Variants in CHRNA6 observed in about 807,000 individuals in gnomAD.
The protein encoded by CHRNA6 is neuronal acetylcholine receptor subunit alpha-6.
A neutral mutation model predicts 40.9 loss-of-function variants in CHRNA6; 31 were observed. The observed-to-expected ratio is 0.76, with a 90% CI of 0.57 to 1.02. CHRNA6 has a LOEUF of 1.02. CHRNA6 is among the 50% of genes least tolerant of loss of function. The pLI is 0.00. For synonymous variants in CHRNA6, 222 were observed against 221.3 expected (o/e 1.00, Z -0.03); for missense variants, 546 against 596.6 (o/e 0.92, Z 0.88).
At chr8:42,762,679 C>T (rs1357610668) in intron 2 of CHRNA6, among the ~76,000 whole-genome samples, 1 of 151,996 alleles carries the variant, frequency 6.6e-6, no homozygotes, top group Non-Finnish European at 1.5e-5. Flanking sequence ...AAACAAAAAA[C>T]AAAGCACCCT....
rs200024779 is a variant in CHRNA6 at position 42,752,623 on chromosome 8, T to G, written c.*556A>C. On this transcript the variant is annotated 3_prime_UTR_variant, in exon 6 of 6. Transcript: ENST00000276410. Reference sequence around the variant, plus strand: ...GCCACCACACCTGACCAAACTGTTTTTTTTTTTTTTTTTTTAAAACTAACA... The same window carrying G: ...GCCACCACACCTGACCAAACTGTTTGTTTTTTTTTTTTTTTAAAACTAACA... 6.8e-6 allele frequency: 1 copy of G among 146,744 alleles called. No individual in the cohort carries two copies. The highest frequency in any genetic ancestry group is 2.6e-5 in the African/African-American group (1 of 38,024). 9.1% of individuals were successfully genotyped at this position (146,744 alleles called of 1,614,324 possible).
chr8:42,759,498 C>A, intron 2 of CHRNA6: 1 of 199,268 alleles, frequency 5.0e-6, no homozygotes, highest in Non-Finnish European at 1.1e-5. Flanking sequence ...CAACCCCGCA[C>A]AGTGTTTTTG....
In CHRNA6 at chr8:42,753,000, T is replaced by G. The variant is rs1816742956; in HGVS notation, c.*179A>C. The G allele has an allele frequency of 1.8e-6, 1 of 560,362 alleles. No homozygotes were observed. The highest frequency in any genetic ancestry group is 1.9e-5 in the African/African-American group (1 of 52,336). The allele number at this position is 560,362 out of a possible 1,614,324, so 34.7% of individuals were successfully genotyped here. A position where few individuals can be genotyped will look rare whatever the true frequency, so the allele number is the denominator to read the frequency against. Reference sequence around the variant, plus strand: ...ATAACACTTCTCACTTCTCCCCCTGTGCTACACTGGAGGATATTCTGCTTC... The same window carrying G: ...ATAACACTTCTCACTTCTCCCCCTGGGCTACACTGGAGGATATTCTGCTTC... On this transcript the variant is annotated 3_prime_UTR_variant, in exon 6 of 6. Coordinates refer to ENST00000276410, the MANE Select transcript of CHRNA6 (RefSeq NM_004198.3).
At chr8:42,759,254 A>T in intron 2 of CHRNA6, 141 bp from the exon 3 acceptor site, 1 of 657,912 alleles carries the variant, frequency 1.5e-6, no homozygotes, top group African/African-American at 1.8e-5. Flanking sequence ...GTGTGAAAGC[A>T]TTCAGCATGC....
intron 5 of CHRNA6, among the ~76,000 whole-genome samples, chr8:42,755,163 T>C (rs1586423399): frequency 6.7e-6 from 1 of 149,050 alleles, no homozygotes; most frequent in Admixed American, 6.7e-5. Flanking sequence ...GGACTACAGG[T>C]ATGCACCAAC....
intron 2 of CHRNA6, chr8:42,759,320 A>G (rs1816860145): frequency 7.3e-6 from 4 of 550,732 alleles, no homozygotes; most frequent in Non-Finnish European, 1.3e-5. Flanking sequence ...TTTGAGAGGC[A>G]ATGTGGCTTT....
rs1816803817 is a variant in CHRNA6, at chr8:42,756,524, C to G, written c.675G>C (p.Glu225Asp). The change falls in exon 5 of 6, where the codon GAG becomes GAC. Residue 225 changes from glutamate to aspartate, a missense_variant. Physicochemically the swap from Glu to Asp is conservative, Grantham distance 45. Around this residue, in one of 3 missense-constraint regions of CHRNA6, gnomAD observed 476 missense variants for 494.5 expected, o/e 0.96. Coordinates refer to ENST00000276410, the MANE Select transcript of CHRNA6 (RefSeq NM_004198.3). ...KHDIKYNCCE[E>D]IYTDITYSFY... ...AAGAATAGGTTATATCTGTGTATAT[C>G]TCTTCACAACAGTTGTATTTGATGT... 1 of 1,613,842 alleles carries G rather than the reference C, an allele frequency of 6.2e-7. No homozygotes were observed. The highest frequency in any genetic ancestry group is 1.3e-5 in the African/African-American group (1 of 74,932).
At position 42,755,858 on chromosome 8, in the gene CHRNA6, A is replaced by G. The variant is rs1816790646; in HGVS notation, c.1341T>C (p.Asn447=). The change falls in exon 5 of 6, where the codon AAT becomes AAC. Residue 447 remains asparagine (N), a synonymous_variant. Transcript: ENST00000276410. The part of the protein sequence containing the change: ...QFIAENMKSH[N]ETKEVEDDWK... ...AACACACATTTACCTCCTTGGTTTC[A>G]TTGTGGCTCTTCATGTTTTCTGCTA... 1 of 1,613,552 alleles carries G rather than the reference A, an allele frequency of 6.2e-7. No homozygotes were observed. Among genetic ancestry groups the G allele is most frequent in the African/African-American group, 1.3e-5 (1 of 74,926 alleles).
chr8:42,755,237 GCT>G lies in CHRNA6; in HGVS notation c.1353+607_1353+608del, dbSNP rs1029218779. 1.3e-4 allele frequency among the ~76,000 whole-genome samples: 19 copies of G among 149,674 alleles called. No homozygotes were observed. The East Asian group carries it at 3.5e-3, about 28-fold the overall frequency. On this transcript the variant is annotated intron_variant, in intron 5 of 5. Transcript: ENST00000276410. ...GTCTCACTATGTTGCCCAGGCTGAG[GCT>G]CTTAGTTTCATTAACTGAGGTTGCC...
In CHRNA6 at chr8:42,753,250, T is replaced by C; in HGVS notation, c.1414A>G (p.Ile472Val). 1.2e-6 allele frequency: 2 copies of C among 1,612,446 alleles called. No homozygotes were observed. The highest frequency in any genetic ancestry group is 1.7e-6 in the Non-Finnish European group (2 of 1,179,016). The change falls in exon 6 of 6, where the codon ATA (isoleucine) becomes GTA (valine). Residue 472 changes from isoleucine (I) to valine (V), a missense_variant. Physicochemically the swap from Ile to Val is conservative, Grantham distance 29. This residue lies in a region of CHRNA6 where 65 missense variants were observed against 83.8 expected (regional missense o/e 0.78). Transcript: ENST00000276410. ...VVDRVFLWVF[I>V]IVCVFGTAGL... ...GCAGTTCCAAATACACAGACAATTATAAATACCCAAAGAAATACTCTGTCC... is the reference window on the plus strand; with the variant it reads ...GCAGTTCCAAATACACAGACAATTACAAATACCCAAAGAAATACTCTGTCC...
At position 42,768,680 on chromosome 8, in the gene CHRNA6, G is replaced by T; in HGVS notation, c.-250C>A. The T allele has an allele frequency of 2.5e-6, 1 of 393,396 alleles. No individual in the cohort carries two copies. Among genetic ancestry groups the T allele is most frequent in the Non-Finnish European group, 4.6e-6 (1 of 217,100 alleles). 24.4% of individuals were successfully genotyped at this position (393,396 alleles called of 1,614,324 possible). On this transcript the variant is annotated 5_prime_UTR_variant, in exon 1 of 6. The change creates a new upstream start codon in the 5' untranslated region. Coordinates refer to ENST00000276410, the MANE Select transcript of CHRNA6 (RefSeq NM_004198.3). ...AGATGAGTCATCACATTTCCTGACA[G>T]CCTAGATGTCTCTTCATGCAAGAAA... is the stretch of plus-strand genomic sequence containing the variant.
chr8:42,762,240 G>C (rs1026801318), intron 2 of CHRNA6, among the ~76,000 whole-genome samples: 13 of 152,328 alleles, frequency 8.5e-5, no homozygotes, highest in African/African-American at 3.1e-4. Context: ...TTATCCCAGA[G>C]ACATGGAGGT....
intron 5 of CHRNA6, among the ~76,000 whole-genome samples, chr8:42,754,735 T>C (rs1397389934): frequency 6.6e-6 from 1 of 152,144 alleles, no homozygotes; most frequent in East Asian, 1.9e-4. Context: ...GTGTGGGAAA[T>C]TGGCATGATT....
intron 3 of CHRNA6, among the ~76,000 whole-genome samples, chr8:42,758,438 G>A (rs1816844355): frequency 6.6e-6 from 1 of 151,470 alleles, no homozygotes; most frequent in South Asian, 2.1e-4. Flanking sequence ...TCAGCTCACT[G>A]CAACCTCTGC....
At chr8:42,765,521 G>A (rs549227552) in intron 1 of CHRNA6, among the ~76,000 whole-genome samples, 2 of 152,348 alleles carry the variant, frequency 1.3e-5, no homozygotes, top group East Asian at 3.9e-4. Flanking sequence ...GTAGACACAA[G>A]GCTTGGAATC....
chr8:42,753,924 G>A (rs1816756681), intron 5 of CHRNA6, among the ~76,000 whole-genome samples: 1 of 152,156 alleles, frequency 6.6e-6, no homozygotes, highest in South Asian at 2.1e-4. Flanking sequence ...ACGGTGGGTA[G>A]TCTGGCTCCA....
At position 42,759,722 on chromosome 8, in the gene CHRNA6, A is replaced by AC. The variant is rs1354705848; in HGVS notation, c.220-610dup. On this transcript the variant is annotated intron_variant, in intron 2 of 5. Coordinates refer to ENST00000276410, the MANE Select transcript of CHRNA6 (RefSeq NM_004198.3). Reference sequence around the variant, plus strand: ...AGACCACCCTGGCCAATATGGTGAAACCCCGTCTCTACTAAAAAATACAAA... The same window carrying AC: ...AGACCACCCTGGCCAATATGGTGAAACCCCCGTCTCTACTAAAAAATACAAA... Among the ~76,000 whole-genome samples, 3 of 151,946 alleles carry AC rather than the reference A, an allele frequency of 2.0e-5. No homozygotes were observed. The East Asian group carries it at 5.8e-4, about 29-fold the overall frequency.
intron 2 of CHRNA6, among the ~76,000 whole-genome samples, chr8:42,764,795 G>A (rs573460850): frequency 6.6e-6 from 1 of 152,282 alleles, no homozygotes; most frequent in South Asian, 2.1e-4. Flanking sequence ...GGCGTCTGGT[G>A]CATAATGGGT....
chr8:42,766,538 C>T (rs1816978517), intron 1 of CHRNA6, among the ~76,000 whole-genome samples: 2 of 150,632 alleles, frequency 1.3e-5, no homozygotes, highest in Non-Finnish European at 3.0e-5. Flanking sequence ...TATATATGCA[C>T]CATGCAATAC....
Sources: gnomAD v4.1 joint callset for allele counts (sites outside exome capture counted in the v4.1 genomes callset) on GRCh38, gnomAD v4.1.1 for gene constraint, gnomAD v4.1.1 regional missense constraint, MANE v1.5 for transcripts, NCBI Gene and HGNC (gene_info 2026-07-23, HGNC 2026-07-21) for gene names.